Variants in DPP6 observed in about 807,000 individuals in gnomAD.
DPP6 encodes the protein A-type potassium channel modulatory protein DPP6.
DPP6 carries 69 observed loss-of-function variants against 122.6 expected under a neutral mutation model. That is an observed-to-expected ratio of 0.56 (90% confidence interval 0.46 to 0.69). The LOEUF is 0.69. Ranked by LOEUF, DPP6 falls within the 30% of genes least tolerant of loss-of-function variation. The pLI is 0.00. For missense variants in DPP6, 928 were observed against 1,116.9 expected (o/e 0.83, Z 2.41); for synonymous variants, 418 against 433.1 (o/e 0.97, Z 0.43).
At chr7:154,790,497 A>G (rs1365491496) in intron 10 of DPP6, among the ~76,000 whole-genome samples, 6 of 152,182 alleles carry the variant, frequency 3.9e-5, no homozygotes, top group Non-Finnish European at 8.8e-5. Flanking sequence ...AATTCCATTA[A>G]TAGTGTTTAT....
At chr7:154,703,535 C>T (rs1182881971) in intron 7 of DPP6, among the ~76,000 whole-genome samples, 1 of 150,656 alleles carries the variant, frequency 6.6e-6, no homozygotes, top group South Asian at 2.1e-4. Context: ...AGGAGAATCA[C>T]TTGAACCCAG....
chr7:154,318,007 T>C (rs1002103411), intron 1 of DPP6, among the ~76,000 whole-genome samples: 15 of 152,388 alleles, frequency 9.8e-5, no homozygotes, highest in Admixed American at 2.6e-4. Flanking sequence ...GATTCAAATA[T>C]TCATTTCATG....
intron 6 of DPP6, 148 bp from the exon 7 acceptor site, chr7:154,669,212 T>G: frequency 2.5e-6 from 3 of 1,208,834 alleles, no homozygotes; most frequent in South Asian, 1.5e-5. Context: ...TGAGACATAT[T>G]ACTTAGTAAC....
chr7:154,358,565 G>A (rs552475528), intron 1 of DPP6, among the ~76,000 whole-genome samples: 47 of 152,276 alleles, frequency 3.1e-4, no homozygotes, highest in African/African-American at 1.0e-3. Flanking sequence ...GATGGCACTC[G>A]ACGTGTGGGG....
intron 1 of DPP6, among the ~76,000 whole-genome samples, chr7:154,037,424 C>G (rs1038211202): frequency 6.7e-5 from 10 of 150,314 alleles, no homozygotes; most frequent in African/African-American, 2.2e-4. Context: ...ACTGTTAGCC[C>G]TTTGAGCAAA....
At chr7:153,868,842 G>T in the DPP6 span, among the ~76,000 whole-genome samples, 8 of 152,084 alleles carry the variant, frequency 5.3e-5, no homozygotes, top group Admixed American at 3.9e-4. Flanking sequence ...AGAGATTCTA[G>T]TATGTTTTGT....
chr7:154,189,693 C>T (rs919211681), intron 1 of DPP6, among the ~76,000 whole-genome samples: 14 of 152,284 alleles, frequency 9.2e-5, no homozygotes, highest in African/African-American at 3.4e-4. Flanking sequence ...CCCTCTCATG[C>T]CGTGTCTCTG....
the DPP6 span, among the ~76,000 whole-genome samples, chr7:153,822,546 G>C: frequency 6.6e-6 from 1 of 152,168 alleles, no homozygotes; most frequent in Non-Finnish European, 1.5e-5. Flanking sequence ...TCCCCAAACA[G>C]AGTAACCTTC....
the DPP6 span, among the ~76,000 whole-genome samples, chr7:153,754,670 T>C: frequency 6.6e-6 from 1 of 152,166 alleles, no homozygotes; most frequent in African/African-American, 2.4e-5. Context: ...ATGTATGTTT[T>C]ATACAGCTTA....
chr7:154,086,286 A>T (rs574052672), intron 1 of DPP6, among the ~76,000 whole-genome samples: 1 of 148,288 alleles, frequency 6.7e-6, no homozygotes, highest in African/African-American at 2.5e-5. Flanking sequence ...CAGGAGCCAT[A>T]GCACTGTAAC....
At chr7:153,817,432 A>G in the DPP6 span, among the ~76,000 whole-genome samples, 24 of 145,732 alleles carry the variant, frequency 1.6e-4, 1 homozygote, top group Admixed American at 4.8e-4. Flanking sequence ...GCTTTTTGCA[A>G]ATATATAAAC....
In DPP6 at chr7:154,597,137, G is replaced by A. The variant is rs147446338; in HGVS notation, c.627+30221G>A. 9.6e-3 allele frequency among the ~76,000 whole-genome samples: 1,440 copies of A among 149,874 alleles called. 29 individuals carry two copies. The highest frequency in any genetic ancestry group is 0.034 in the African/African-American group (1,383 of 40,374). On this transcript the variant is annotated intron_variant, in intron 5 of 25. Coordinates refer to ENST00000377770, the MANE Select transcript of DPP6 (RefSeq NM_130797.4). ...TGAAAGCTGGTGTGATTTGAGTACA[G>A]TGAGAGAGAGACACAGAGACAGAGA...
At chr7:154,839,167 C>A (rs1361667120) in intron 16 of DPP6, among the ~76,000 whole-genome samples, 1 of 152,222 alleles carries the variant, frequency 6.6e-6, no homozygotes, top group Non-Finnish European at 1.5e-5. Flanking sequence ...ATGGCACATT[C>A]TAAGCATTTG....
chr7:154,509,863 A>G (rs1825929740), intron 3 of DPP6, among the ~76,000 whole-genome samples: 1 of 152,182 alleles, frequency 6.6e-6, no homozygotes, highest in Non-Finnish European at 1.5e-5. Context: ...TTCCTTTTAT[A>G]TGAACTATTC....
chr7:154,725,199 G>C (rs1360573473), intron 7 of DPP6, among the ~76,000 whole-genome samples: 1 of 152,106 alleles, frequency 6.6e-6, no homozygotes, highest in Non-Finnish European at 1.5e-5. Context: ...GTTGTTGAAT[G>C]AATAAAACCC....
chr7:154,278,276 TAACTCAG>T (rs934960328), intron 1 of DPP6, among the ~76,000 whole-genome samples: 1 of 152,198 alleles, frequency 6.6e-6, no homozygotes, highest in African/African-American at 2.4e-5. Flanking sequence ...CAAAAAAATC[TAACTCAG>T]AACCCTTTGA....
intron 6 of DPP6, among the ~76,000 whole-genome samples, chr7:154,654,434 T>TCCTTCCTTCCTTCCTTCCTTCCTTCC (rs1837109347): frequency 6.9e-5 from 1 of 14,454 alleles, no homozygotes. Context: ...TCTTTCTTTT[T>TCCTTCCTTCCTTCCTTCCTTCCTTCC]TTGATACAGC....
At chr7:154,617,100 G>T (rs190190894) in intron 5 of DPP6, among the ~76,000 whole-genome samples, 228 of 152,236 alleles carry the variant, frequency 1.5e-3, no homozygotes, top group Non-Finnish European at 2.8e-3. Context: ...TTTTAAGAAG[G>T]CTCACTGACT....
intron 1 of DPP6, among the ~76,000 whole-genome samples, chr7:153,921,591 A>T (rs948760063): frequency 1.6e-4 from 24 of 152,232 alleles, no homozygotes; most frequent in African/African-American, 5.5e-4. Context: ...CCACAGTGCC[A>T]CTGTAAAGAG....
Sources: allele counts gnomAD v4.1 joint callset (sites outside exome capture counted in the v4.1 genomes callset), GRCh38; gene constraint gnomAD v4.1.1; transcripts MANE v1.5; gene names NCBI Gene and HGNC (gene_info 2026-07-23, HGNC 2026-07-21).